The following KIF17 variants were observed in gnomAD, a reference collection of about 807,000 sequenced individuals.
KIF17 encodes the protein kinesin family member 17.
Under a neutral mutation model 96.8 loss-of-function variants are expected in KIF17, and 80 were observed. The ratio of observed to expected loss-of-function variants is 0.83; its 90% CI spans 0.69 to 1.00. The LOEUF is 1.00. Among genes scored for constraint, KIF17 ranks in the 50% least tolerant of loss-of-function variants. The pLI, the probability that KIF17 is intolerant of heterozygous loss-of-function variation, is 0.00. For synonymous variants in KIF17, 567 were observed against 587.5 expected (o/e 0.97, Z 0.51); for missense variants, 1,280 against 1,372.9 (o/e 0.93, Z 1.07).
intron 8 of KIF17, among the ~76,000 whole-genome samples, chr1:20,686,805 C>A (rs1377048879): frequency 6.6e-6 from 1 of 152,218 alleles, no homozygotes; most frequent in East Asian, 1.9e-4. Flanking sequence ...AGGTGATCCA[C>A]CCACCTCGGT....
At chr1:20,668,010 CAA>C (rs796242617) in intron 13 of KIF17, among the ~76,000 whole-genome samples, 8 of 119,288 alleles carry the variant, frequency 6.7e-5, no homozygotes, top group South Asian at 2.6e-4. Flanking sequence ...AACTCTGTCT[CAA>C]AAAAAAAAAA....
At chr1:20,678,262 G>A (rs964867164) in intron 11 of KIF17, among the ~76,000 whole-genome samples, 1 of 151,986 alleles carries the variant, frequency 6.6e-6, no homozygotes, top group African/African-American at 2.4e-5. Context: ...GGGGGAAACC[G>A]ACCCCATGAC....
chr1:20,696,060 G>A (rs1029133415), intron 6 of KIF17, among the ~76,000 whole-genome samples: 1 of 152,130 alleles, frequency 6.6e-6, no homozygotes, highest in Non-Finnish European at 1.5e-5. Flanking sequence ...TTCTGCAGAT[G>A]AGACAGAGGC....
Position 20,709,925 on chromosome 1 carries a change from C to T in KIF17, c.481-97G>A, listed in dbSNP as rs1570480107. On this transcript the variant is annotated intron_variant, in intron 3 of 14. Transcript: ENST00000400463. The surrounding 1 kb of genome is among the most constrained non-coding windows in gnomAD (Gnocchi z 4.7). Reference sequence around the variant, plus strand: ...CCAGAGAGAAGGGCCCCATCCAGACCGCCCTCGCCCTCCTGTAATGCAGGC... The same window carrying T: ...CCAGAGAGAAGGGCCCCATCCAGACTGCCCTCGCCCTCCTGTAATGCAGGC... The T allele has an allele frequency of 1.4e-5, 16 of 1,128,722 alleles. No homozygotes were observed. Among genetic ancestry groups the T allele is most frequent in the African/African-American group, 9.2e-5 (6 of 65,062 alleles). 69.9% of individuals were successfully genotyped at this position (1,128,722 alleles called of 1,614,324 possible).
At chr1:20,666,467 C>T in intron 13 of KIF17, 136 bp from the exon 14 acceptor site, 1 of 785,602 alleles carries the variant, frequency 1.3e-6, no homozygotes, top group Non-Finnish European at 2.3e-6. Flanking sequence ...GGAGCAGGCA[C>T]TGCCCACTCT....
At chr1:20,702,338 G>GCCT (rs10701334) in intron 5 of KIF17, among the ~76,000 whole-genome samples, 8,562 of 152,234 alleles carry the variant, frequency 0.056, 772 homozygotes, top group African/African-American at 0.19. Flanking sequence ...GATGCTAACA[G>GCCT]CTATCCTGGG....
chr1:20,664,666 A>T lies in KIF17; in HGVS notation c.3005T>A (p.Phe1002Tyr). ...QAPEMPQPRP[F>Y]RLESLDIPFT... is the part of the protein sequence containing the mutation. ...AGGGATGTCGAGGGACTCGAGGCGG[A>T]AGGGCCGGGGCTGGGGCATTTCAGG... The change falls in exon 15 of 15, where the codon TTC becomes TAC. Residue 1002 changes from phenylalanine (F) to tyrosine (Y), a missense_variant. Phe to Tyr is a conservative substitution (Grantham distance 22). Coordinates refer to ENST00000400463, the MANE Select transcript of KIF17 (RefSeq NM_001122819.3). 1 of 1,325,320 alleles carries T rather than the reference A, an allele frequency of 7.5e-7. No individual in the cohort carries two copies. The highest frequency in any genetic ancestry group is 1.1e-5 in the South Asian group (1 of 87,024). 82.1% of individuals were successfully genotyped at this position (1,325,320 alleles called of 1,614,324 possible).
intron 4 of KIF17, among the ~76,000 whole-genome samples, chr1:20,706,317 GC>G (rs2054339968): frequency 6.6e-6 from 1 of 151,924 alleles, no homozygotes. Context: ...CAGGCTGGGT[GC>G]GGTGGCTCAT....
In KIF17 at chr1:20,686,143, G is replaced by A. The variant is rs755434354; in HGVS notation, c.1939-17C>T. On this transcript the variant is annotated splice_polypyrimidine_tract_variant and intron_variant, in intron 8 of 14. Transcript: ENST00000400463. ...CGCAGGGACCTGGGAGGAAAGAGGG[G>A]ATGGAGGAGAAAGAAGGCTGATTTG... 8 of 1,556,908 alleles carry A rather than the reference G, an allele frequency of 5.1e-6. No individual in the cohort carries two copies. The highest frequency in any genetic ancestry group is 3.6e-5 in the South Asian group (3 of 84,434).
intron 6 of KIF17, among the ~76,000 whole-genome samples, chr1:20,691,393 C>T (rs1334221675): frequency 1.3e-5 from 2 of 152,042 alleles, no homozygotes; most frequent in African/African-American, 4.8e-5. Flanking sequence ...GTGATCCTCC[C>T]ACCCCAGCCT....
rs1224008918 is a variant in KIF17, at chr1:20,717,588, T to C, written c.119A>G (p.Gln40Arg). ...CGGCTCGTCGGCGGCGCCCGGGTTCTGGATGCAGCACTGGGCGCGCGCGCA... is the reference window on the plus strand; with the variant it reads ...CGGCTCGTCGGCGGCGCCCGGGTTCCGGATGCAGCACTGGGCGCGCGCGCA... ...VDCARAQCCI[Q>R]NPGAADEPPK... is the part of the protein sequence containing the mutation. The change falls in exon 1 of 15, where the codon CAG (glutamine) becomes CGG (arginine). Residue 40 changes from glutamine to arginine, a missense_variant. By Grantham distance (43) the Gln-to-Arg change is conservative. Transcript: ENST00000400463. The C allele has an allele frequency of 2.5e-6, 4 of 1,611,372 alleles. No homozygotes were observed. Among genetic ancestry groups the C allele is most frequent in the African/African-American group, 1.3e-5 (1 of 74,890 alleles).
chr1:20,703,485 T>A (rs562143051), intron 5 of KIF17, among the ~76,000 whole-genome samples: 2 of 123,152 alleles, frequency 1.6e-5, no homozygotes, highest in South Asian at 6.1e-4. Context: ...GATAGATGGA[T>A]AGATGGATGG....
chr1:20,675,434 C>A (rs888257572), intron 11 of KIF17, among the ~76,000 whole-genome samples: 1 of 144,204 alleles, frequency 6.9e-6, no homozygotes, highest in Non-Finnish European at 1.5e-5. Context: ...GGCGACAAAG[C>A]GAGACTCTGT....
Position 20,690,352 on chromosome 1 carries a change from G to GGGGGGGGGA in KIF17, c.1234-18_1234-17insTCCCCCCCC. 5 of 451,168 alleles carry GGGGGGGGGA rather than the reference G, an allele frequency of 1.1e-5. No homozygotes were observed. The highest frequency in any genetic ancestry group is 5.7e-5 in the Admixed American group (2 of 35,052). The allele number at this position is 451,168 out of a possible 1,614,324, so 27.9% of individuals were successfully genotyped here. On this transcript the variant is annotated splice_polypyrimidine_tract_variant and intron_variant, in intron 6 of 14. Coordinates refer to ENST00000400463, the MANE Select transcript of KIF17 (RefSeq NM_001122819.3). ...TTCATACTCCTGGGGGGGTGGGAGG[G>GGGGGGGGGA]ACCAGAGGGCAGGCAGCATTTTATC...
Position 20,717,856 on chromosome 1 carries a change from T to C in KIF17, c.-150A>G. ...GGCCGCGGCGGGGGGCGGGGACCCC[T>C]CGGGGGGCGCCCCGGAGGGGAGCTG... On this transcript the variant is annotated 5_prime_UTR_variant, in exon 1 of 15. Coordinates refer to ENST00000400463, the MANE Select transcript of KIF17 (RefSeq NM_001122819.3). 2.1e-6 allele frequency: 1 copy of C among 485,290 alleles called. No individual in the cohort carries two copies. The highest frequency in any genetic ancestry group is 2.5e-6 in the Non-Finnish European group (1 of 403,714). The allele number at this position is 485,290 out of a possible 1,614,324, so 30.1% of individuals were successfully genotyped here. A position where few individuals can be genotyped will look rare whatever the true frequency, so the allele number is the denominator to read the frequency against.
In KIF17 at chr1:20,682,688, C is replaced by A; in HGVS notation, c.2428G>T (p.Ala810Ser). 1 of 1,614,018 alleles carries A rather than the reference C, an allele frequency of 6.2e-7. No homozygotes were observed. The change falls in exon 11 of 15, where the codon GCC (alanine) becomes TCC (serine). Residue 810 changes from alanine to serine, a missense_variant. Coordinates refer to ENST00000400463, the MANE Select transcript of KIF17 (RefSeq NM_001122819.3). ...ATCTTCTCCAGCAGCTTGCTCTTGG[C>A]CCGCACTTCCTCCTGGATGGAGTCG... ...VYDSIQEEVRAKSKLLEKMQR... is the reference protein window; with the variant it reads ...VYDSIQEEVRSKSKLLEKMQR...
chr1:20,683,980 C>A (rs573632101), intron 10 of KIF17, among the ~76,000 whole-genome samples: 60 of 152,390 alleles, frequency 3.9e-4, no homozygotes, highest in Admixed American at 1.3e-3. Context: ...GTGTTTACTG[C>A]GTGCCCAGCG....
chr1:20,696,658 C>T (rs1431920874), intron 6 of KIF17, among the ~76,000 whole-genome samples: 2 of 152,116 alleles, frequency 1.3e-5, no homozygotes, highest in Non-Finnish European at 2.9e-5. Flanking sequence ...CACCGGGCTT[C>T]CCGGGAAGGA....
downstream of KIF17, among the ~76,000 whole-genome samples, chr1:20,662,940 G>A (rs1261319658): frequency 6.6e-6 from 1 of 152,148 alleles, no homozygotes; most frequent in East Asian, 1.9e-4. Flanking sequence ...ATAAAGACCT[G>A]ATATCGACCA....
Sources: allele counts gnomAD v4.1 joint callset (sites outside exome capture counted in the v4.1 genomes callset), GRCh38; gene constraint gnomAD v4.1.1; non-coding constraint Gnocchi (gnomAD v3.1); transcripts MANE v1.5; gene names NCBI Gene and HGNC (gene_info 2026-07-23, HGNC 2026-07-21).